Variants in ATP9B observed in about 807,000 individuals in gnomAD.
ATP9B encodes probable phospholipid-transporting ATPase IIB.
ATP9B carries 110 observed loss-of-function variants against 146.1 expected under a neutral mutation model. That is an observed-to-expected ratio of 0.75 (90% CI 0.65 to 0.88). The LOEUF is 0.88. Among genes scored for constraint, ATP9B ranks in the 40% least tolerant of loss-of-function variants. ATP9B has a pLI of 0.00. For missense variants in ATP9B, 1,499 were observed against 1,496.4 expected, an observed-to-expected ratio of 1.00 and a Z score of -0.03; for synonymous variants, 604 against 569.7, an observed-to-expected ratio of 1.06 and a Z score of -0.86.
At chr18:79,335,565 C>A (rs542640362) in intron 17 of ATP9B, among the ~76,000 whole-genome samples, 1 of 152,216 alleles carries the variant, frequency 6.6e-6, no homozygotes, top group Admixed American at 6.5e-5. Flanking sequence ...CATCAGGCCC[C>A]GTGACTCCTG....
intron 20 of ATP9B, among the ~76,000 whole-genome samples, chr18:79,342,608 T>A (rs4799044): frequency 0.88 from 131,527 of 149,578 alleles, 57,204 homozygotes; most frequent in East Asian, 1. Flanking sequence ...AAATAAATAA[T>A]TAATTAATTA....
At chr18:79,223,889 A>G (rs1405844277) in intron 11 of ATP9B, among the ~76,000 whole-genome samples, 1 of 152,248 alleles carries the variant, frequency 6.6e-6, no homozygotes, top group Non-Finnish European at 1.5e-5. Flanking sequence ...CAAATATCTA[A>G]ACTAGAAAAC....
At chr18:79,236,386 T>C (rs1277882652) in intron 11 of ATP9B, among the ~76,000 whole-genome samples, 1 of 152,208 alleles carries the variant, frequency 6.6e-6, no homozygotes, top group Non-Finnish European at 1.5e-5. Context: ...ATCCGGGTTA[T>C]TTTCTCCCAC....
intron 1 of ATP9B, among the ~76,000 whole-genome samples, chr18:79,089,097 G>C (rs2074097198): frequency 6.6e-6 from 1 of 152,068 alleles, no homozygotes; most frequent in African/African-American, 2.4e-5. Context: ...GTGGACTTTG[G>C]CGATGCAGGG....
Position 79,345,461 on chromosome 18 carries a change from G to C in ATP9B, c.2506G>C (p.Glu836Gln). The change falls in exon 22 of 30, where the codon GAG becomes CAG. Residue 836 changes from glutamate (E) to glutamine (Q), a missense_variant. Transcript: ENST00000426216. ...AAAGTACTACGAGCATGAATTTGTG[G>C]AGCTGGCCTGCCAGTGCCCTGCCGT... ...CLKYYEHEFVELACQCPAVVC... is the reference protein window; with the variant it reads ...CLKYYEHEFVQLACQCPAVVC... 2 of 1,613,952 alleles carry C rather than the reference G, an allele frequency of 1.2e-6. No individual in the cohort carries two copies. The highest frequency in any genetic ancestry group is 1.7e-6 in the Non-Finnish European group (2 of 1,180,040).
At chr18:79,074,125 C>T (rs941068442) in intron 1 of ATP9B, among the ~76,000 whole-genome samples, 1 of 152,302 alleles carries the variant, frequency 6.6e-6, no homozygotes, top group Admixed American at 6.5e-5. Context: ...AGCCTTTGTG[C>T]TGTGATCTTT....
intron 29 of ATP9B, chr18:79,376,214 C>CACACACACACACACACACACACACACAA: frequency 5.7e-6 from 3 of 528,146 alleles, no homozygotes; most frequent in African/African-American, 2.4e-5. Context: ...CACACACACA[C>CACACACACACACACACACACACACACAA]AAAACAAAAC....
chr18:79,355,786 C>G lies in ATP9B; in HGVS notation c.2904-3568C>G, dbSNP rs142299177. ...GTATAGATTCAAGAAGGTAAGCAAA[C>G]CCTGAACAGGACAGTCAAATTCACA... is the stretch of plus-strand genomic sequence containing the variant. On this transcript the variant is annotated intron_variant, in intron 25 of 29. Coordinates refer to ENST00000426216, the MANE Select transcript of ATP9B (RefSeq NM_198531.5). Among the ~76,000 whole-genome samples the G allele has an allele frequency of 6.3e-3, 962 of 152,262 alleles. 12 individuals are homozygous for G. The highest frequency in any genetic ancestry group is 0.022 in the African/African-American group (925 of 41,548).
chr18:79,096,715 A>ATACT, intron 2 of ATP9B, 66 bp downstream of exon 2: 1 of 1,284,852 alleles, frequency 7.8e-7, no homozygotes, highest in Non-Finnish European at 1.1e-6. Context: ...AGCTTCTAAT[A>ATACT]TACTTATTAG....
chr18:79,363,477 C>T (rs1333271413), intron 26 of ATP9B: 2 of 152,326 alleles, frequency 1.3e-5, no homozygotes, highest in Non-Finnish European at 2.9e-5. Flanking sequence ...GAGACGTAAA[C>T]AGATGTTCAT....
At position 79,347,920 on chromosome 18, in the gene ATP9B, A is replaced by G. The variant is rs1406439099; in HGVS notation, c.2833A>G (p.Met945Val). The G allele has an allele frequency of 1.9e-6, 3 of 1,613,242 alleles. No homozygotes were observed. The highest frequency in any genetic ancestry group is 2.2e-5 in the East Asian group (1 of 44,852). ...GCACAGGGGCCTTATCATCTCCACC[A>G]TGCAGGTACTAAGCCTTCTGTGCTG... ...VMHRGLIISTMQAVFSSVFYF... is the reference protein window; with the variant it reads ...VMHRGLIISTVQAVFSSVFYF... Residue 945 changes from methionine to valine, a missense_variant, in exon 24 of 30, where the codon ATG becomes GTG. Coordinates refer to ENST00000426216, the MANE Select transcript of ATP9B (RefSeq NM_198531.5).
At chr18:79,091,329 G>GTA in intron 1 of ATP9B, among the ~76,000 whole-genome samples, 1 of 152,130 alleles carries the variant, frequency 6.6e-6, no homozygotes, top group East Asian at 1.9e-4. Context: ...AATGTCATTG[G>GTA]TATTTCGATA....
intron 7 of ATP9B, among the ~76,000 whole-genome samples, chr18:79,163,252 CGTT>C (rs1452136322): frequency 6.6e-5 from 10 of 152,222 alleles, no homozygotes; most frequent in African/African-American, 2.4e-4. Flanking sequence ...AAAGTAATAA[CGTT>C]GTTTTTCTCT....
rs372513354 is a variant in ATP9B, at chr18:79,147,458, ATT to A, written c.726+3599_726+3600del. Among the ~76,000 whole-genome samples the A allele has an allele frequency of 3.7e-3, 568 of 152,316 alleles. 3 individuals are homozygous for A. The highest frequency in any genetic ancestry group is 0.024 in the South Asian group (117 of 4,826). ...TTTTCTGTACCATAAACCTCAACAA[ATT>A]GAAAAGAATTGAAATCACACAGAGT... On this transcript the variant is annotated intron_variant, in intron 6 of 29. Coordinates refer to ENST00000426216, the MANE Select transcript of ATP9B (RefSeq NM_198531.5).
At chr18:79,154,435 T>C in intron 6 of ATP9B, 69 bp from the exon 7 acceptor site, 1 of 1,096,842 alleles carries the variant, frequency 9.1e-7, no homozygotes. Flanking sequence ...TATTTCTTAT[T>C]TGGAATGGAA....
At chr18:79,124,410 C>G (rs1210127569) in intron 4 of ATP9B, among the ~76,000 whole-genome samples, 2 of 152,270 alleles carry the variant, frequency 1.3e-5, no homozygotes, top group African/African-American at 4.8e-5. Context: ...TGAGGTCTTA[C>G]TCTGCTCATC....
At chr18:79,313,316 T>TA (rs2096662826) in intron 15 of ATP9B, among the ~76,000 whole-genome samples, 1 of 152,182 alleles carries the variant, frequency 6.6e-6, no homozygotes, top group Non-Finnish European at 1.5e-5. Context: ...AGTTGCTGTC[T>TA]TCTTAGCATT....
At chr18:79,302,176 A>G (rs2096594825) in intron 13 of ATP9B, among the ~76,000 whole-genome samples, 1 of 152,244 alleles carries the variant, frequency 6.6e-6, no homozygotes, top group Admixed American at 6.5e-5. Context: ...ATTTTGTGCA[A>G]TGAATGGCTG....
intron 1 of ATP9B, among the ~76,000 whole-genome samples, chr18:79,075,175 C>T (rs1348582195): frequency 1.3e-5 from 2 of 151,708 alleles, no homozygotes; most frequent in East Asian, 1.9e-4. Flanking sequence ...CTCCCAGGTT[C>T]ACGCCATTCT....
Sources: gnomAD v4.1 joint callset for allele counts (sites outside exome capture counted in the v4.1 genomes callset) on GRCh38, gnomAD v4.1.1 for gene constraint, MANE v1.5 for transcripts, NCBI Gene and HGNC (gene_info 2026-07-23, HGNC 2026-07-21) for gene names.